Variants in EPB41L4B observed in about 807,000 individuals in gnomAD.
EPB41L4B encodes the protein erythrocyte membrane protein band 4.1 like 4B.
EPB41L4B carries 30 observed loss-of-function variants against 112.5 expected under a neutral mutation model. The observed-to-expected ratio is 0.27, with a 90% CI of 0.20 to 0.36. EPB41L4B has a LOEUF of 0.36. Ranked by LOEUF, EPB41L4B falls within the 10% of genes least tolerant of loss-of-function variation. EPB41L4B has a pLI of 1.00. For synonymous variants in EPB41L4B, 408 were observed against 439.7 expected, an observed-to-expected ratio of 0.93 and a Z score of 0.90; for missense variants, 1,024 against 1,133.3, an observed-to-expected ratio of 0.90 and a Z score of 1.38.
chr9:109,262,979 T>G (rs1181557531), intron 6 of EPB41L4B, 71 bp downstream of exon 6: 1 of 1,073,898 alleles, frequency 9.3e-7, no homozygotes, highest in East Asian at 2.6e-5. Context: ...CCTGGTATAC[T>G]GTGGACACTC....
At chr9:109,207,264 T>C (rs1833017705) in intron 18 of EPB41L4B, among the ~76,000 whole-genome samples, 1 of 152,166 alleles carries the variant, frequency 6.6e-6, no homozygotes, top group Non-Finnish European at 1.5e-5. Context: ...TGTGGTCCTG[T>C]GGGCTTGTTA....
intron 4 of EPB41L4B, among the ~76,000 whole-genome samples, chr9:109,265,415 G>T (rs573402438): frequency 6.6e-6 from 1 of 152,206 alleles, no homozygotes; most frequent in Non-Finnish European, 1.5e-5. Flanking sequence ...CTCCACCAGC[G>T]GATTCCAGAT....
At chr9:109,299,280 T>C (rs942822320) in intron 1 of EPB41L4B, among the ~76,000 whole-genome samples, 2 of 152,186 alleles carry the variant, frequency 1.3e-5, no homozygotes, top group Non-Finnish European at 2.9e-5. Context: ...CTAGATTTTT[T>C]TGTTTGTTTC....
chr9:109,266,862 G>T (rs763295851), intron 4 of EPB41L4B, among the ~76,000 whole-genome samples: 2 of 150,978 alleles, frequency 1.3e-5, no homozygotes, highest in African/African-American at 4.9e-5. Flanking sequence ...CCATCTACTC[G>T]GGTGGCTGAG....
Position 109,247,803 on chromosome 9 carries a change from CAAACAAA to C in EPB41L4B, c.1311-21_1311-15del. 1 of 1,476,642 alleles carries C rather than the reference CAAACAAA, an allele frequency of 6.8e-7. No individual in the cohort carries two copies. The highest frequency in any genetic ancestry group is 9.0e-7 in the Non-Finnish European group (1 of 1,110,748). The allele number at this position is 1,476,642 out of a possible 1,614,324, so 91.5% of individuals were successfully genotyped here. ...TTTGTTTTAGAGCTAAACAAACAAACAAACAAAAAACAGAAAAAAAAAGAAAAATAGG... is the reference window on the plus strand; with the variant it reads ...TTTGTTTTAGAGCTAAACAAACAAACAAACAGAAAAAAAAAGAAAAATAGG... On this transcript the variant is annotated splice_polypyrimidine_tract_variant and intron_variant, in intron 13 of 25. Transcript: ENST00000374566.
rs1837832732 is a variant in EPB41L4B at position 109,320,491 on chromosome 9, GC to G, written c.-46del. ...TGCCTCCGCCCCCTGCGCTGCCGCT[GC>G]CGCTGCCGCTGCCGCTGCGCCGCCG... On this transcript the variant is annotated 5_prime_UTR_variant, in exon 1 of 26. Transcript: ENST00000374566. 1.3e-6 allele frequency: 1 copy of G among 785,316 alleles called. No homozygotes were observed. Among genetic ancestry groups the G allele is most frequent in the Non-Finnish European group, 1.5e-6 (1 of 650,570 alleles). The allele number at this position is 785,316 out of a possible 1,614,324, so 48.6% of individuals were successfully genotyped here. A position where few individuals can be genotyped will look rare whatever the true frequency, so the allele number is the denominator to read the frequency against.
At chr9:109,297,496 A>G (rs1188841819) in intron 1 of EPB41L4B, among the ~76,000 whole-genome samples, 2 of 152,156 alleles carry the variant, frequency 1.3e-5, no homozygotes, top group Non-Finnish European at 2.9e-5. Context: ...AACGGAGGTG[A>G]TAGCACGCAT....
chr9:109,246,053 T>C (rs557911666), intron 14 of EPB41L4B, among the ~76,000 whole-genome samples: 1 of 152,250 alleles, frequency 6.6e-6, no homozygotes, highest in South Asian at 2.1e-4. Flanking sequence ...CTACAACTTT[T>C]CAGTTACTCA....
At chr9:109,311,293 A>T (rs1837405177) in intron 1 of EPB41L4B, among the ~76,000 whole-genome samples, 1 of 152,246 alleles carries the variant, frequency 6.6e-6, no homozygotes, top group African/African-American at 2.4e-5. Context: ...GAGATGCATT[A>T]TCAGGCTGAC....
chr9:109,294,672 CTGTGTGTGTG>C (rs56261244), intron 1 of EPB41L4B, among the ~76,000 whole-genome samples: 80 of 147,930 alleles, frequency 5.4e-4, no homozygotes, highest in East Asian at 1.4e-3. Context: ...GATATTGTGG[CTGTGTGTGTG>C]TGTGTGTGTG....
intron 17 of EPB41L4B, among the ~76,000 whole-genome samples, chr9:109,209,956 C>T (rs1473862499): frequency 1.3e-5 from 2 of 152,220 alleles, no homozygotes; most frequent in Admixed American, 6.5e-5. Flanking sequence ...ACTAGTCAAT[C>T]GTACTGCTTC....
chr9:109,296,487 T>G (rs1836733754), intron 1 of EPB41L4B, among the ~76,000 whole-genome samples: 1 of 152,196 alleles, frequency 6.6e-6, no homozygotes, highest in African/African-American at 2.4e-5. Context: ...TTAAAAGGAT[T>G]ATATGAAATG....
At chr9:109,237,476 A>G (rs1834187800) in intron 15 of EPB41L4B, among the ~76,000 whole-genome samples, 1 of 152,224 alleles carries the variant, frequency 6.6e-6, no homozygotes. Context: ...TTTACTGTCA[A>G]GTAATATTCC....
intron 7 of EPB41L4B, 127 bp downstream of exon 7, chr9:109,258,050 G>A: frequency 9.9e-7 from 1 of 1,009,754 alleles, no homozygotes; most frequent in East Asian, 2.4e-5. Context: ...CACAAGGAGA[G>A]AAGAGTTGGC....
chr9:109,259,835 G>T (rs887510436), intron 6 of EPB41L4B, among the ~76,000 whole-genome samples: 2 of 152,136 alleles, frequency 1.3e-5, no homozygotes, highest in African/African-American at 4.8e-5. Context: ...AGGCATCGAG[G>T]ACAACCACAG....
At chr9:109,276,842 T>C (rs943616340) in intron 2 of EPB41L4B, among the ~76,000 whole-genome samples, 1 of 152,226 alleles carries the variant, frequency 6.6e-6, no homozygotes, top group Non-Finnish European at 1.5e-5. Flanking sequence ...GCATAGGTTC[T>C]AAGGGCAGAA....
intron 15 of EPB41L4B, among the ~76,000 whole-genome samples, chr9:109,217,808 A>G (rs1370449417): frequency 6.6e-6 from 1 of 152,092 alleles, no homozygotes; most frequent in Non-Finnish European, 1.5e-5. Context: ...CCTGGGCTCA[A>G]GTGGTCCACC....
chr9:109,313,847 T>C (rs1010860722), intron 1 of EPB41L4B, among the ~76,000 whole-genome samples: 1 of 152,122 alleles, frequency 6.6e-6, no homozygotes, highest in African/African-American at 2.4e-5. Context: ...GAGACTTCCA[T>C]CAACCCACTT....
intron 20 of EPB41L4B, 57 bp from the exon 21 acceptor site, chr9:109,194,454 A>T: frequency 1.3e-6 from 2 of 1,560,110 alleles, no homozygotes; most frequent in Non-Finnish European, 8.7e-7. Context: ...ACAGGCTGTG[A>T]GGAGTGGACG....
Sources: gnomAD v4.1 joint callset for allele counts (sites outside exome capture counted in the v4.1 genomes callset) on GRCh38, gnomAD v4.1.1 for gene constraint, MANE v1.5 for transcripts, NCBI Gene and HGNC (gene_info 2026-07-23, HGNC 2026-07-21) for gene names.